The following CHODL variants were observed in gnomAD, a reference collection of about 807,000 sequenced individuals.
The protein encoded by CHODL is transmembrane protein MT75.
A neutral mutation model predicts 34.5 loss-of-function variants in CHODL; 29 were observed. The ratio of observed to expected loss-of-function variants is 0.84; its 90% CI spans 0.63 to 1.15. CHODL has a LOEUF of 1.15. Among genes scored for constraint, CHODL ranks in the 50% most tolerant of loss-of-function variants. The pLI is 0.00. For missense variants in CHODL, 332 were observed against 332.5 expected (o/e 1.00, Z 0.01); for synonymous variants, 125 against 116.1 (o/e 1.08, Z -0.49).
At chr21:18,205,830 A>G (rs77276629) in intron 2 of CHODL, among the ~76,000 whole-genome samples, 24,432 of 149,944 alleles carry the variant, frequency 0.16, 2,462 homozygotes, top group African/African-American at 0.29. Context: ...TCAGCCTCCC[A>G]CGTTCAAGTG....
intron 2 of CHODL, among the ~76,000 whole-genome samples, chr21:18,167,309 ATTT>A (rs71318131): frequency 2.9e-5 from 3 of 103,050 alleles, no homozygotes; most frequent in East Asian, 3.1e-4. Flanking sequence ...TTCTATTAAG[ATTT>A]TTTTTTTTTT....
intron 1 of CHODL, among the ~76,000 whole-genome samples, chr21:17,968,750 C>G (rs1237271647): frequency 1.3e-5 from 2 of 152,200 alleles, no homozygotes; most frequent in African/African-American, 4.8e-5. Context: ...TCTGGAATTT[C>G]TCACCATGCA....
At chr21:18,177,230 G>A (rs1227642504) in intron 2 of CHODL, among the ~76,000 whole-genome samples, 1 of 151,868 alleles carries the variant, frequency 6.6e-6, no homozygotes, top group Non-Finnish European at 1.5e-5. Flanking sequence ...ATATATTATG[G>A]TAAATCCTAC....
At chr21:18,113,960 A>T (rs1031971366) in intron 2 of CHODL, among the ~76,000 whole-genome samples, 2 of 152,228 alleles carry the variant, frequency 1.3e-5, no homozygotes. Flanking sequence ...CTGTTCAGCC[A>T]TGAAAAGAAT....
chr21:17,958,900 T>C (rs765468040), intron 1 of CHODL, among the ~76,000 whole-genome samples: 5 of 152,178 alleles, frequency 3.3e-5, no homozygotes, highest in East Asian at 3.9e-4. Flanking sequence ...TGTTGCAAGA[T>C]TGGGGGACTC....
At chr21:18,132,671 A>G (rs1047316197) in intron 2 of CHODL, among the ~76,000 whole-genome samples, 4 of 152,302 alleles carry the variant, frequency 2.6e-5, no homozygotes, top group Admixed American at 6.5e-5. Context: ...TTCATGAATT[A>G]TAAGTTGAAT....
chr21:18,028,466 G>C (rs918716300), intron 2 of CHODL, among the ~76,000 whole-genome samples: 1 of 151,890 alleles, frequency 6.6e-6, no homozygotes, highest in South Asian at 2.1e-4. Context: ...GGAGGCCAAG[G>C]TGGGTAGATC....
At position 18,023,035 on chromosome 21, in the gene CHODL, T is replaced by C. The variant is rs565065197; in HGVS notation, c.-144-4837T>C. ...CCTAAATGCCTAATGAAAGATTTCA[T>C]AGGAATGATCTCATAGTTATATGAG... On this transcript the variant is annotated intron_variant, in intron 1 of 6. Transcript: ENST00000400127. 2.0e-5 allele frequency among the ~76,000 whole-genome samples: 3 copies of C among 152,268 alleles called. No homozygotes were observed. The South Asian group carries it at 6.2e-4, about 32-fold the overall frequency.
intron 1 of CHODL, among the ~76,000 whole-genome samples, chr21:17,945,390 T>C (rs543323490): frequency 6.6e-6 from 1 of 151,936 alleles, no homozygotes; most frequent in Non-Finnish European, 1.5e-5. Flanking sequence ...AGTGAGAATA[T>C]TGACAAGAAA....
intron 2 of CHODL, among the ~76,000 whole-genome samples, chr21:18,227,063 C>T (rs1430478268): frequency 1.3e-5 from 2 of 152,140 alleles, no homozygotes; most frequent in Non-Finnish European, 2.9e-5. Context: ...GGTTAGGGCC[C>T]ATATTCTCAC....
chr21:17,952,521 A>G (rs1197108600), intron 1 of CHODL, among the ~76,000 whole-genome samples: 1 of 152,130 alleles, frequency 6.6e-6, no homozygotes, highest in Non-Finnish European at 1.5e-5. Flanking sequence ...AGAGTTTAGG[A>G]TAAATGAAAC....
intron 1 of CHODL, among the ~76,000 whole-genome samples, chr21:17,939,393 T>C (rs1264762423): frequency 6.6e-6 from 1 of 152,220 alleles, no homozygotes; most frequent in African/African-American, 2.4e-5. Flanking sequence ...ATCCATGTTG[T>C]CACATATTGC....
In CHODL at chr21:18,228,500, T is replaced by A. The variant is rs181833867; in HGVS notation, c.-44-28009T>A. On this transcript the variant is annotated intron_variant, in intron 2 of 6. Transcript: ENST00000400127. ...AGGAACACTGGCTTTACTGCAGGCA[T>A]CTGGCTGGCAGTTCCTCGGGGGTTT... is the stretch of plus-strand genomic sequence containing the variant. Among the ~76,000 whole-genome samples the A allele has an allele frequency of 6.6e-3, 1,000 of 152,294 alleles. 19 individuals carry two copies. The South Asian group carries it at 0.083, about 13-fold the overall frequency.
intron 2 of CHODL, among the ~76,000 whole-genome samples, chr21:18,211,912 A>G (rs1166033582): frequency 6.6e-6 from 1 of 152,202 alleles, no homozygotes; most frequent in Non-Finnish European, 1.5e-5. Context: ...CATGATGAAT[A>G]TATGAGAGTC....
intron 2 of CHODL, among the ~76,000 whole-genome samples, chr21:18,123,886 T>C (rs2065510271): frequency 6.6e-6 from 1 of 152,044 alleles, no homozygotes; most frequent in Non-Finnish European, 1.5e-5. Context: ...ACCCTTTTGA[T>C]ACTATAAAGC....
chr21:18,140,670 T>C (rs1688178), intron 2 of CHODL, among the ~76,000 whole-genome samples: 11,941 of 152,184 alleles, frequency 0.078, 1,491 homozygotes, highest in African/African-American at 0.27. Flanking sequence ...GACTCTGCTT[T>C]CATAGTAAAA....
intron 2 of CHODL, among the ~76,000 whole-genome samples, chr21:18,137,724 A>G (rs117780818): frequency 0.013 from 1,995 of 152,292 alleles, 22 homozygotes; most frequent in Non-Finnish European, 0.02. Flanking sequence ...AAAAATAACA[A>G]CGATGGTATA....
chr21:18,222,063 A>G (rs1012248301), intron 2 of CHODL, among the ~76,000 whole-genome samples: 4 of 152,062 alleles, frequency 2.6e-5, no homozygotes, highest in African/African-American at 9.7e-5. Flanking sequence ...GCTCCTCAAG[A>G]CCCCAAGTGG....
rs918134231 is a variant in CHODL at position 18,031,080 on chromosome 21, A to G, written c.-45+3109A>G. Among the ~76,000 whole-genome samples the G allele has an allele frequency of 2.6e-5, 4 of 152,260 alleles. No homozygotes were observed. The East Asian group carries it at 7.8e-4, about 30-fold the overall frequency. On this transcript the variant is annotated intron_variant, in intron 2 of 6. Coordinates refer to the CHODL transcript ENST00000400127. The stretch of plus-strand genomic sequence containing the variant: ...AGTTACTAAATTAGAATGCAGTCAA[A>G]ATTTTGGTTCATAATGGCTCTTATA...
Sources: gnomAD v4.1 joint callset for allele counts (sites outside exome capture counted in the v4.1 genomes callset) on GRCh38, gnomAD v4.1.1 for gene constraint, MANE v1.5 for transcripts, NCBI Gene and HGNC (gene_info 2026-07-23, HGNC 2026-07-21) for gene names.